Variants in DNAJC21 observed in about 807,000 individuals in gnomAD.
The protein encoded by DNAJC21 is dnaJ homolog subfamily C member 21.
DNAJC21 carries 63 observed loss-of-function variants against 72.4 expected under a neutral mutation model. The observed-to-expected ratio is 0.87, with a 90% CI of 0.71 to 1.07. The LOEUF is 1.07. DNAJC21 is among the 50% of genes least tolerant of loss of function. The pLI is 0.00. For missense variants in DNAJC21, 634 were observed against 644.8 expected, an observed-to-expected ratio of 0.98 and a Z score of 0.18; for synonymous variants, 203 against 216.7, an observed-to-expected ratio of 0.94 and a Z score of 0.56.
intron 10 of DNAJC21, chr5:34,951,322 A>G: frequency 1.0e-6 from 1 of 985,376 alleles, no homozygotes; most frequent in Non-Finnish European, 1.2e-6. Context: ...ACTGAATTTC[A>G]GGTTAATTGT....
At chr5:34,954,471 G>T in intron 11 of DNAJC21, 82 bp from the exon 12 acceptor site, 1 of 1,435,534 alleles carries the variant, frequency 7.0e-7, no homozygotes, top group Non-Finnish European at 9.3e-7. Flanking sequence ...ATTGTTTGAT[G>T]CTTAATCTTG....
At chr5:34,950,038 C>T (rs1261769724) in intron 9 of DNAJC21, 132 bp from the exon 10 acceptor site, 1 of 998,980 alleles carries the variant, frequency 1.0e-6, no homozygotes, top group Non-Finnish European at 1.4e-6. Context: ...CTGTAATGAG[C>T]ATCCATGTTC....
At chr5:34,954,208 A>T in intron 11 of DNAJC21, 1 of 497,624 alleles carries the variant, frequency 2.0e-6, no homozygotes, top group Non-Finnish European at 3.5e-6. Flanking sequence ...ACTGTACCAG[A>T]ACAGTTACTG....
At chr5:34,948,555 T>C (rs1022869370) in intron 9 of DNAJC21, among the ~76,000 whole-genome samples, 3 of 152,162 alleles carry the variant, frequency 2.0e-5, no homozygotes, top group African/African-American at 7.2e-5. Context: ...AATTTATGTA[T>C]CTATATTGAC....
intron 10 of DNAJC21, chr5:34,951,868 G>A: frequency 1.0e-6 from 1 of 985,452 alleles, no homozygotes; most frequent in Non-Finnish European, 1.2e-6. Context: ...AGGAAGAAGG[G>A]TTCTCAGGCT....
chr5:34,933,591 T>C (rs1386866674), intron 1 of DNAJC21, among the ~76,000 whole-genome samples: 1 of 152,160 alleles, frequency 6.6e-6, no homozygotes, highest in Non-Finnish European at 1.5e-5. Flanking sequence ...GTTGACTGTT[T>C]AGTGATGTAC....
At position 34,929,735 on chromosome 5, in the gene DNAJC21, G is replaced by GGGC; in HGVS notation, c.-85_-84insGGC. ...GGACTCCCGCCGGAGAGGACTGCCAGCGCCGCCGCCGCCGCCGCTTCGGCC... is the reference window on the plus strand; with the variant it reads ...GGACTCCCGCCGGAGAGGACTGCCAGGGCCGCCGCCGCCGCCGCCGCTTCGGCC... On this transcript the variant is annotated 5_prime_UTR_variant, in exon 1 of 12. Coordinates refer to ENST00000648817, the MANE Select transcript of DNAJC21 (RefSeq NM_001012339.3). The GGGC allele has an allele frequency of 3.2e-6, 2 of 620,638 alleles. No homozygotes were observed. The highest frequency in any genetic ancestry group is 4.1e-6 in the Non-Finnish European group (2 of 487,544). 38.4% of individuals were successfully genotyped at this position (620,638 alleles called of 1,614,324 possible).
chr5:34,944,030 A>G (rs1028346448), intron 7 of DNAJC21, among the ~76,000 whole-genome samples: 8 of 152,204 alleles, frequency 5.3e-5, no homozygotes, highest in African/African-American at 1.9e-4. Flanking sequence ...GAAAAACAGC[A>G]ACTAAAACTA....
intron 2 of DNAJC21, among the ~76,000 whole-genome samples, chr5:34,934,218 T>A (rs37427): frequency 0.89 from 135,757 of 152,090 alleles, 61,739 homozygotes; most frequent in Non-Finnish European, 0.98. Context: ...ATCAGACAGG[T>A]AGAAGGTTTT....
chr5:34,950,148 G>A, intron 9 of DNAJC21, 22 bp from the exon 10 acceptor site: 1 of 1,580,992 alleles, frequency 6.3e-7, no homozygotes, highest in Non-Finnish European at 8.6e-7. Flanking sequence ...TTTTGTAACG[G>A]CACATATGTT....
intron 10 of DNAJC21, chr5:34,951,664 A>T (rs1411502471): frequency 1.2e-6 from 1 of 805,698 alleles, no homozygotes; most frequent in African/African-American, 1.9e-5. Context: ...AGTTGCTGGG[A>T]CTGCAGGCAT....
Position 34,951,242 on chromosome 5 carries a change from C to A in DNAJC21, c.1358+900C>A, listed in dbSNP as rs968512046. The A allele has an allele frequency of 5.5e-5, 54 of 985,404 alleles. No individual in the cohort carries two copies. The South Asian group carries it at 1.1e-3, about 21-fold the overall frequency. 61.0% of individuals were successfully genotyped at this position (985,404 alleles called of 1,614,324 possible). ...TTTGAAGAACTTTGGAGAGTTGAAG[C>A]CTAGAAAGGGAAATTCACATGTATT... On this transcript the variant is annotated intron_variant, in intron 10 of 11. Coordinates refer to ENST00000648817, the MANE Select transcript of DNAJC21 (RefSeq NM_001012339.3).
chr5:34,932,298 G>T (rs1011806011), intron 1 of DNAJC21, among the ~76,000 whole-genome samples: 1 of 152,034 alleles, frequency 6.6e-6, no homozygotes, highest in Non-Finnish European at 1.5e-5. Flanking sequence ...GCGCACGCCT[G>T]TGGTCCCAGC....
At chr5:34,935,241 C>G (rs1764730626) in intron 2 of DNAJC21, among the ~76,000 whole-genome samples, 1 of 152,166 alleles carries the variant, frequency 6.6e-6, no homozygotes, top group African/African-American at 2.4e-5. Context: ...GAGATAATAA[C>G]TGCCTTTACA....
intron 7 of DNAJC21, 100 bp downstream of exon 7, chr5:34,941,283 G>A (rs1764981025): frequency 1.3e-5 from 14 of 1,068,508 alleles, no homozygotes; most frequent in East Asian, 2.6e-5. Context: ...CCACAGCCTC[G>A]ACCTGTTGAA....
rs1459849864 is a variant in DNAJC21, at chr5:34,937,638, G to A, written c.743+8G>A. Reference sequence around the variant, plus strand: ...GAAGCTAAAGCAGGCCAAGTGCGTAGCGTGCGTGGGGCCCTCTTCTCAGTA... The same window carrying A: ...GAAGCTAAAGCAGGCCAAGTGCGTAACGTGCGTGGGGCCCTCTTCTCAGTA... On this transcript the variant is annotated splice_region_variant and intron_variant, in intron 5 of 11. Coordinates refer to ENST00000648817, the MANE Select transcript of DNAJC21 (RefSeq NM_001012339.3). The A allele has an allele frequency of 1.2e-6, 2 of 1,605,814 alleles. No homozygotes were observed. The highest frequency in any genetic ancestry group is 1.3e-5 in the African/African-American group (1 of 74,482).
At chr5:34,930,615 T>G (rs531357018) in intron 1 of DNAJC21, among the ~76,000 whole-genome samples, 58 of 152,296 alleles carry the variant, frequency 3.8e-4, no homozygotes, top group Non-Finnish European at 7.4e-4. Context: ...CAGGCCTGTG[T>G]GACTTTTATG....
rs928430494 is a variant in DNAJC21, at chr5:34,935,957, A to T, written c.315+124A>T. On this transcript the variant is annotated intron_variant, in intron 3 of 11. Transcript: ENST00000648817. ...GCAGTGTTCATTTTGAAAACTGAAG[A>T]TGCATTGCCTTCATGTTTAAGCTGT... 2.1e-6 allele frequency: 3 copies of T among 1,430,658 alleles called. No homozygotes were observed. In the South Asian group the frequency reaches 4.0e-5, roughly 19 times the overall value. The allele number at this position is 1,430,658 out of a possible 1,614,324, so 88.6% of individuals were successfully genotyped here.
At position 34,938,842 on chromosome 5, in the gene DNAJC21, T is replaced by C; in HGVS notation, c.744-16T>C. ...AGGCGTGCTTGTCGCTGTGAGACTG[T>C]GCTGTATGTGTCTAGACTGGTGGAG... On this transcript the variant is annotated splice_polypyrimidine_tract_variant and intron_variant, in intron 5 of 11. Coordinates refer to ENST00000648817, the MANE Select transcript of DNAJC21 (RefSeq NM_001012339.3). The C allele has an allele frequency of 6.3e-7, 1 of 1,597,112 alleles. No homozygotes were observed. Among genetic ancestry groups the C allele is most frequent in the Non-Finnish European group, 8.5e-7 (1 of 1,173,564 alleles).
Sources: allele counts gnomAD v4.1 joint callset (sites outside exome capture counted in the v4.1 genomes callset), GRCh38; gene constraint gnomAD v4.1.1; transcripts MANE v1.5; gene names NCBI Gene and HGNC (gene_info 2026-07-23, HGNC 2026-07-21).